HFM1: variants seen among roughly 807,000 people sequenced by gnomAD.
HFM1 encodes the protein probable ATP-dependent DNA helicase HFM1.
In HFM1, 169 loss-of-function variants were observed where a neutral mutation model predicts 192.1. That is an observed-to-expected ratio of 0.88 (90% confidence interval 0.78 to 1.00). The LOEUF (loss-of-function observed/expected upper bound fraction) is 1.00, where lower values mean the gene tolerates loss of function less well. Ranked by LOEUF, HFM1 falls within the 50% of genes least tolerant of loss-of-function variation. HFM1 has a pLI of 0.00. For synonymous variants in HFM1, 525 were observed against 537.8 expected, an observed-to-expected ratio of 0.98 and a Z score of 0.33; for missense variants, 1,661 against 1,668.0, an observed-to-expected ratio of 1.00 and a Z score of 0.07.
chr1:91,343,605 T>A, intron 19 of HFM1, 95 bp from the exon 20 acceptor site: 1 of 501,942 alleles, frequency 2.0e-6, no homozygotes, highest in Non-Finnish European at 3.5e-6. Flanking sequence ...GTGCTATTAC[T>A]GTGTAACTGT....
chr1:91,309,237 C>T (rs1443534676), intron 30 of HFM1, among the ~76,000 whole-genome samples: 2 of 152,128 alleles, frequency 1.3e-5, no homozygotes, highest in East Asian at 3.9e-4. Flanking sequence ...TTAACTGCTC[C>T]CCTTATGGGG....
rs78627946 is a variant in HFM1 at position 91,323,963 on chromosome 1, T to C, written c.2427+712A>G. ...TACCACAGTAATCAAATTAGATATT[T>C]TAAATAAAAATGAACGGCTTAAATT... On this transcript the variant is annotated intron_variant, in intron 21 of 38. Coordinates refer to ENST00000370425, the MANE Select transcript of HFM1 (RefSeq NM_001017975.6). Among the ~76,000 whole-genome samples, 239 of 152,328 alleles carry C rather than the reference T, an allele frequency of 1.6e-3. 3 individuals carry two copies. The East Asian group carries it at 0.023, about 15-fold the overall frequency.
intron 30 of HFM1, among the ~76,000 whole-genome samples, chr1:91,280,530 A>C (rs937314268): frequency 6.6e-6 from 1 of 152,208 alleles, no homozygotes; most frequent in Admixed American, 6.5e-5. Flanking sequence ...AAATGGCAAG[A>C]TAGGTAGTCT....
At chr1:91,337,235 G>A (rs1032040996) in intron 20 of HFM1, among the ~76,000 whole-genome samples, 42 of 152,194 alleles carry the variant, frequency 2.8e-4, no homozygotes, top group African/African-American at 9.4e-4. Context: ...CAGTTGAAGC[G>A]GGAAAAAATT....
chr1:91,354,717 G>T (rs761979031), intron 13 of HFM1, among the ~76,000 whole-genome samples: 1 of 152,054 alleles, frequency 6.6e-6, no homozygotes, highest in African/African-American at 2.4e-5. Flanking sequence ...AGACAATATT[G>T]CCAGTAAACA....
intron 20 of HFM1, among the ~76,000 whole-genome samples, chr1:91,342,731 T>C (rs1341695140): frequency 1.3e-5 from 2 of 152,092 alleles, no homozygotes; most frequent in Non-Finnish European, 2.9e-5. Flanking sequence ...CTAAGATGAG[T>C]AGAAGGAAAA....
intron 33 of HFM1, 99 bp from the exon 34 acceptor site, chr1:91,273,914 C>A: frequency 1.5e-6 from 1 of 681,080 alleles, no homozygotes; most frequent in Non-Finnish European, 2.4e-6. Flanking sequence ...ATGATTTATC[C>A]ATTTAACACT....
chr1:91,401,451 C>T (rs1285271058), intron 1 of HFM1, among the ~76,000 whole-genome samples: 1 of 152,182 alleles, frequency 6.6e-6, no homozygotes, highest in Non-Finnish European at 1.5e-5. Context: ...TTGTCTTCTT[C>T]CTCAAGGCAG....
intron 20 of HFM1, among the ~76,000 whole-genome samples, chr1:91,335,754 A>C (rs1654478393): frequency 6.6e-6 from 1 of 151,982 alleles, no homozygotes. Flanking sequence ...TACCTTTCAG[A>C]CCTCCTACTG....
intron 20 of HFM1, among the ~76,000 whole-genome samples, chr1:91,336,235 C>T (rs1159372301): frequency 6.7e-6 from 1 of 150,282 alleles, no homozygotes; most frequent in East Asian, 2.0e-4. Flanking sequence ...TCCCTCCCTC[C>T]CTCCCTTCCT....
intron 30 of HFM1, among the ~76,000 whole-genome samples, chr1:91,298,144 C>A (rs1330264205): frequency 6.6e-6 from 1 of 152,160 alleles, no homozygotes; most frequent in Non-Finnish European, 1.5e-5. Context: ...GACGAATGCA[C>A]AAGCCTCAGT....
chr1:91,377,454 C>T (rs375818394), intron 11 of HFM1: 7 of 151,774 alleles, frequency 4.6e-5, no homozygotes, highest in East Asian at 1.9e-4. Context: ...TTTTTCAAGA[C>T]GTTTACTTAA....
At chr1:91,271,442 A>G (rs1363262381) in intron 34 of HFM1, among the ~76,000 whole-genome samples, 1 of 152,122 alleles carries the variant, frequency 6.6e-6, no homozygotes, top group East Asian at 1.9e-4. Flanking sequence ...AGTCATTTTG[A>G]GTAGAATTTT....
chr1:91,314,007 C>T lies in HFM1; in HGVS notation c.3194G>A (p.Arg1065Lys), dbSNP rs755663970. ...GSWAKKIAVK[R>K]ALKSEDLSIN... The stretch of plus-strand genomic sequence containing the variant: ...GCTAAGATCTTCAGATTTAAGAGCT[C>T]TTTTCACAGCAATCTTTTTAGCCCA... The change falls in exon 29 of 39, where the codon AGA becomes AAA. Residue 1065 changes from arginine (R) to lysine (K), a missense_variant. By Grantham distance (26) the Arg-to-Lys change is conservative. Coordinates refer to ENST00000370425, the MANE Select transcript of HFM1 (RefSeq NM_001017975.6). 6.2e-7 allele frequency: 1 copy of T among 1,610,762 alleles called. No individual in the cohort carries two copies. Among genetic ancestry groups the T allele is most frequent in the African/African-American group, 1.3e-5 (1 of 74,968 alleles).
chr1:91,380,456 G>A (rs1269758140), intron 7 of HFM1, among the ~76,000 whole-genome samples: 1 of 152,030 alleles, frequency 6.6e-6, no homozygotes, highest in Non-Finnish European at 1.5e-5. Flanking sequence ...TGTAGACCTA[G>A]GAGAAAATCA....
intron 30 of HFM1, among the ~76,000 whole-genome samples, chr1:91,286,412 G>C (rs2100866061): frequency 6.6e-6 from 1 of 152,268 alleles, no homozygotes; most frequent in Non-Finnish European, 1.5e-5. Flanking sequence ...GTTTCTGATA[G>C]CTCTAGACAT....
intron 30 of HFM1, among the ~76,000 whole-genome samples, chr1:91,286,685 T>C (rs535697428): frequency 1.3e-5 from 2 of 152,290 alleles, no homozygotes; most frequent in East Asian, 3.9e-4. Flanking sequence ...ACATCTCCAG[T>C]CTACAGCTCC....
At chr1:91,266,330 G>C (rs1460363425) in intron 35 of HFM1, among the ~76,000 whole-genome samples, 6 of 152,252 alleles carry the variant, frequency 3.9e-5, no homozygotes, top group African/African-American at 1.4e-4. Flanking sequence ...TATATTAAAA[G>C]GTCTTCAAGC....
At chr1:91,374,363 G>C (rs1249259831) in intron 13 of HFM1, among the ~76,000 whole-genome samples, 14 of 151,868 alleles carry the variant, frequency 9.2e-5, no homozygotes, top group Non-Finnish European at 1.6e-4. Flanking sequence ...ATTTAGATTT[G>C]CAATCTTACA....
Sources: gnomAD v4.1 joint callset for allele counts (sites outside exome capture counted in the v4.1 genomes callset) on GRCh38, gnomAD v4.1.1 for gene constraint, MANE v1.5 for transcripts, NCBI Gene and HGNC (gene_info 2026-07-23, HGNC 2026-07-21) for gene names.